The following GABRB2 variants were observed in gnomAD, a reference collection of about 807,000 sequenced individuals.
GABRB2 encodes gamma-aminobutyric acid type A receptor subunit beta2, also known as gamma-aminobutyric acid receptor subunit beta-2.
In GABRB2, 16 loss-of-function variants were observed where a neutral mutation model predicts 54.7. The observed-to-expected ratio is 0.29, with a 90% confidence interval of 0.20 to 0.44. GABRB2 has a LOEUF of 0.44. Among genes scored for constraint, GABRB2 ranks in the 20% least tolerant of loss-of-function variants. The pLI is 1.00. For synonymous variants in GABRB2, 244 were observed against 233.8 expected, an observed-to-expected ratio of 1.04 and a Z score of -0.40; for missense variants, 355 against 644.0, an observed-to-expected ratio of 0.55 and a Z score of 4.86.
intron 9 of GABRB2, among the ~76,000 whole-genome samples, chr5:161,314,165 G>A (rs576623761): frequency 6.6e-6 from 1 of 152,302 alleles, no homozygotes; most frequent in South Asian, 2.1e-4. Flanking sequence ...TGTCACATGT[G>A]AGGACTCACT....
intron 3 of GABRB2, among the ~76,000 whole-genome samples, chr5:161,543,580 A>C (rs748705405): frequency 3.3e-5 from 5 of 152,204 alleles, no homozygotes; most frequent in Non-Finnish European, 7.3e-5. Flanking sequence ...AGGAGTCTGA[A>C]TCAATCACGT....
chr5:161,527,885 C>T (rs185312711), intron 3 of GABRB2, among the ~76,000 whole-genome samples: 131 of 151,710 alleles, frequency 8.6e-4, no homozygotes, highest in African/African-American at 3.0e-3. Context: ...TTTAAGGAAC[C>T]GTGGCTTTGT....
chr5:161,493,891 T>A lies in GABRB2; in HGVS notation c.238-34047A>T, dbSNP rs925633839. Among the ~76,000 whole-genome samples, 3 of 151,932 alleles carry A rather than the reference T, an allele frequency of 2.0e-5. No homozygotes were observed. The East Asian group carries it at 5.8e-4, about 29-fold the overall frequency. ...TAGTGAATTATCCTAATGCATTTGCTAATGTTGAAGCATTCTAGGTTTATA... is the reference window on the plus strand; with the variant it reads ...TAGTGAATTATCCTAATGCATTTGCAAATGTTGAAGCATTCTAGGTTTATA... On this transcript the variant is annotated intron_variant, in intron 3 of 9. Transcript: ENST00000393959.
chr5:161,509,982 T>G (rs575333550), intron 3 of GABRB2, among the ~76,000 whole-genome samples: 8 of 152,064 alleles, frequency 5.3e-5, no homozygotes, highest in African/African-American at 1.9e-4. Context: ...TAATTATTTT[T>G]AGTTTTAATT....
chr5:161,449,960 T>C (rs965458078), intron 4 of GABRB2, among the ~76,000 whole-genome samples: 5 of 152,202 alleles, frequency 3.3e-5, no homozygotes, highest in African/African-American at 1.2e-4. Context: ...TTGAATGTAC[T>C]ATGTATATCA....
At chr5:161,297,449 C>T (rs762268517) in intron 9 of GABRB2, among the ~76,000 whole-genome samples, 1 of 152,076 alleles carries the variant, frequency 6.6e-6, no homozygotes, top group Non-Finnish European at 1.5e-5. Context: ...CACCCCCTGA[C>T]AGGCCTTGGT....
chr5:161,370,129 A>G (rs562105744), intron 5 of GABRB2, among the ~76,000 whole-genome samples: 1 of 152,290 alleles, frequency 6.6e-6, no homozygotes, highest in East Asian at 1.9e-4. Flanking sequence ...GACTTAGTTC[A>G]GTGTTGCATG....
chr5:161,476,965 T>A (rs2962412), intron 3 of GABRB2, among the ~76,000 whole-genome samples: 1 of 151,854 alleles, frequency 6.6e-6, no homozygotes, highest in Non-Finnish European at 1.5e-5. Flanking sequence ...GCATACCAAA[T>A]GAAACAATCA....
chr5:161,419,796 T>G (rs1213208196), intron 4 of GABRB2, among the ~76,000 whole-genome samples: 1 of 152,110 alleles, frequency 6.6e-6, no homozygotes, highest in Non-Finnish European at 1.5e-5. Flanking sequence ...CAACACACAC[T>G]GGGGACTGCA....
At chr5:161,456,641 G>T (rs996793633) in intron 4 of GABRB2, among the ~76,000 whole-genome samples, 1 of 152,076 alleles carries the variant, frequency 6.6e-6, no homozygotes, top group Non-Finnish European at 1.5e-5. Context: ...CATGTAAGAT[G>T]GAGAAAATGA....
chr5:161,366,965 A>C (rs1044257584), intron 5 of GABRB2, among the ~76,000 whole-genome samples: 6 of 152,206 alleles, frequency 3.9e-5, no homozygotes, highest in South Asian at 2.1e-4. Flanking sequence ...AAAGAAAAGA[A>C]AAGACAAATC....
At chr5:161,488,472 ATTGTATAAAT>A (rs1758993841) in intron 3 of GABRB2, among the ~76,000 whole-genome samples, 1 of 151,696 alleles carries the variant, frequency 6.6e-6, no homozygotes, top group Non-Finnish European at 1.5e-5. Context: ...GTGAAATATG[ATTGTATAAAT>A]ATGTTTTTAC....
intron 3 of GABRB2, among the ~76,000 whole-genome samples, chr5:161,495,169 C>A (rs1424065613): frequency 6.6e-6 from 1 of 151,854 alleles, no homozygotes; most frequent in Non-Finnish European, 1.5e-5. Context: ...AAGTATTATT[C>A]CATTTCTATA....
At chr5:161,321,624 G>C (rs1484581690) in intron 9 of GABRB2, among the ~76,000 whole-genome samples, 1 of 152,000 alleles carries the variant, frequency 6.6e-6, no homozygotes, top group Non-Finnish European at 1.5e-5. Context: ...TCTTTCATTT[G>C]TCATTATGTA....
intron 9 of GABRB2, among the ~76,000 whole-genome samples, chr5:161,302,093 T>C (rs1757556746): frequency 6.6e-6 from 1 of 152,210 alleles, no homozygotes; most frequent in Non-Finnish European, 1.5e-5. Flanking sequence ...GAGGGCAGTT[T>C]GTATAGCAAC....
At chr5:161,301,325 C>A (rs770252661) in intron 9 of GABRB2, among the ~76,000 whole-genome samples, 3 of 152,150 alleles carry the variant, frequency 2.0e-5, no homozygotes, top group Admixed American at 6.5e-5. Context: ...AGTTTCCACA[C>A]CAGCCCTTTT....
intron 5 of GABRB2, among the ~76,000 whole-genome samples, chr5:161,393,420 G>A (rs1162748120): frequency 6.9e-6 from 1 of 144,894 alleles, no homozygotes; most frequent in Non-Finnish European, 1.5e-5. Flanking sequence ...CTCATAGTTT[G>A]CCAACTATGG....
chr5:161,516,874 G>C (rs1759966602), intron 3 of GABRB2, among the ~76,000 whole-genome samples: 1 of 152,074 alleles, frequency 6.6e-6, no homozygotes. Flanking sequence ...CCCAAGAACT[G>C]AAAAACATTG....
chr5:161,313,493 T>C (rs1393029067), intron 9 of GABRB2, among the ~76,000 whole-genome samples: 3 of 151,992 alleles, frequency 2.0e-5, no homozygotes, highest in Non-Finnish European at 4.4e-5. Flanking sequence ...CCATAGACTA[T>C]TCATTCTGAT....
Sources: allele counts gnomAD v4.1 joint callset (sites outside exome capture counted in the v4.1 genomes callset), GRCh38; gene constraint gnomAD v4.1.1; transcripts MANE v1.5; gene names NCBI Gene and HGNC (gene_info 2026-07-23, HGNC 2026-07-21).